IFT81: variants seen among roughly 807,000 people sequenced by gnomAD.
IFT81 encodes the protein intraflagellar transport 81, also known as intraflagellar transport protein 81 homolog.
In IFT81, 72 loss-of-function variants were observed where a neutral mutation model predicts 102.6. That is an observed-to-expected ratio of 0.70 (90% CI 0.58 to 0.85). IFT81 has a LOEUF of 0.85. Among genes scored for constraint, IFT81 ranks in the 40% least tolerant of loss-of-function variants. IFT81 has a pLI of 0.00. For synonymous variants in IFT81, 237 were observed against 242.7 expected (o/e 0.98, Z 0.22); for missense variants, 723 against 787.3 (o/e 0.92, Z 0.98).
chr12:110,143,673 C>A, intron 9 of IFT81, 128 bp downstream of exon 9: 1 of 647,198 alleles, frequency 1.5e-6, no homozygotes, highest in Non-Finnish European at 2.5e-6. Flanking sequence ...GAGTTGACAA[C>A]TCTTATGAGG....
At chr12:110,134,432 G>C (rs1302339317) in intron 5 of IFT81, among the ~76,000 whole-genome samples, 1 of 152,156 alleles carries the variant, frequency 6.6e-6, no homozygotes, top group Non-Finnish European at 1.5e-5. Context: ...CAGGAAGGAA[G>C]TTTATTTTTG....
rs140418924 is a variant in IFT81, at chr12:110,201,187, G to C, written c.1558-2677G>C. Among the ~76,000 whole-genome samples the C allele has an allele frequency of 6.3e-3, 952 of 152,138 alleles. 10 individuals carry two copies. Among genetic ancestry groups the C allele is most frequent in the African/African-American group, 0.021 (889 of 41,518 alleles). ...GGAGGCCAAGGCGAGCAGATCACCTGAAGTCAGGAGTTCAAGACCATCCTG... is the reference window on the plus strand; with the variant it reads ...GGAGGCCAAGGCGAGCAGATCACCTCAAGTCAGGAGTTCAAGACCATCCTG... On this transcript the variant is annotated intron_variant, in intron 14 of 18. Coordinates refer to ENST00000242591, the MANE Select transcript of IFT81 (RefSeq NM_014055.4).
At chr12:110,172,911 C>T (rs1258881756) in intron 11 of IFT81, among the ~76,000 whole-genome samples, 5 of 150,686 alleles carry the variant, frequency 3.3e-5, no homozygotes, top group East Asian at 2.0e-4. Context: ...GGAGCGTCTC[C>T]GCCCGGCAGC....
chr12:110,138,927 CAT>C (rs1272151403), intron 8 of IFT81, among the ~76,000 whole-genome samples: 4 of 152,112 alleles, frequency 2.6e-5, no homozygotes, highest in Non-Finnish European at 5.9e-5. Flanking sequence ...TTCATAGAAA[CAT>C]ATGACTATTT....
At chr12:110,194,197 T>C (rs1446416429) in intron 14 of IFT81, among the ~76,000 whole-genome samples, 2 of 152,096 alleles carry the variant, frequency 1.3e-5, no homozygotes, top group Non-Finnish European at 2.9e-5. Context: ...ACCTCCAACA[T>C]TGGAGGTAAC....
chr12:110,128,718 G>A lies in IFT81; in HGVS notation c.249-232G>A, dbSNP rs1275497770. Among the ~76,000 whole-genome samples the A allele has an allele frequency of 2.0e-5, 3 of 147,076 alleles. No homozygotes were observed. The East Asian group carries it at 5.9e-4, about 29-fold the overall frequency. On this transcript the variant is annotated intron_variant, in intron 3 of 18. Transcript: ENST00000242591. ...AGGCTAAGGTGGGAGGTTCACCTGA[G>A]CCAGGAGGTTAAGGCTTTGGTGAGC...
At chr12:110,144,007 C>CT (rs536525073) in intron 9 of IFT81, among the ~76,000 whole-genome samples, 2,173 of 123,076 alleles carry the variant, frequency 0.018, 69 homozygotes, top group Admixed American at 0.058. Context: ...CAGGTTATAC[C>CT]TTTTTTTTTT....
chr12:110,143,363 A>G lies in IFT81; in HGVS notation c.782-19A>G, dbSNP rs763261209. 1 of 1,231,208 alleles carries G rather than the reference A, an allele frequency of 8.1e-7. No individual in the cohort carries two copies. The highest frequency in any genetic ancestry group is 1.8e-5 in the South Asian group (1 of 55,620). The allele number at this position is 1,231,208 out of a possible 1,614,324, so 76.3% of individuals were successfully genotyped here. ...ACCTACTCTTTTGGGCTGAATATTT[A>G]TTTATTTTATTTTTAAAGGTTTAAT... On this transcript the variant is annotated intron_variant, in intron 8 of 18. Transcript: ENST00000242591.
chr12:110,191,037 A>G lies in IFT81; in HGVS notation c.1456A>G (p.Met486Val). Residue 486 changes from methionine to valine, a missense_variant, in exon 13 of 19, where the codon ATG becomes GTG. Met to Val is a conservative substitution (Grantham distance 21, BLOSUM62 1). Coordinates refer to ENST00000242591, the MANE Select transcript of IFT81 (RefSeq NM_014055.4). Reference sequence around the variant, plus strand: ...AATGAAAGGACGAACATTGGATGATATGTCTGAAATGGTGATGATACTTTT... The same window carrying G: ...AATGAAAGGACGAACATTGGATGATGTGTCTGAAATGGTGATGATACTTTT... The part of the protein sequence containing the change: ...DEMKGRTLDD[M>V]SEMVKKLYSL... The G allele has an allele frequency of 2.5e-6, 4 of 1,603,302 alleles. No individual in the cohort carries two copies. The highest frequency in any genetic ancestry group is 2.3e-5 in the South Asian group (2 of 88,276).
chr12:110,200,360 G>C (rs1232900395), intron 14 of IFT81, among the ~76,000 whole-genome samples: 1 of 152,114 alleles, frequency 6.6e-6, no homozygotes, highest in Non-Finnish European at 1.5e-5. Context: ...AATACTGTAG[G>C]CAGTTGTTAC....
At chr12:110,210,965 C>G (rs1169057147) in intron 18 of IFT81, among the ~76,000 whole-genome samples, 1 of 150,096 alleles carries the variant, frequency 6.7e-6, no homozygotes, top group African/African-American at 2.4e-5. Context: ...AAGCGATCCT[C>G]CCACCTCAGC....
chr12:110,127,549 A>G (rs201592976), intron 2 of IFT81, 25 bp downstream of exon 2: 2 of 1,568,460 alleles, frequency 1.3e-6, no homozygotes, highest in Non-Finnish European at 1.7e-6. Context: ...TTTCTTTTTG[A>G]TGGGTAGCAG....
chr12:110,193,338 T>C (rs1284951361), intron 14 of IFT81, among the ~76,000 whole-genome samples: 1 of 152,198 alleles, frequency 6.6e-6, no homozygotes, highest in African/African-American at 2.4e-5. Context: ...GCTATAAATA[T>C]GAAGTCACAT....
At chr12:110,191,768 G>A (rs529860323) in intron 13 of IFT81, among the ~76,000 whole-genome samples, 12 of 151,844 alleles carry the variant, frequency 7.9e-5, no homozygotes, top group South Asian at 2.1e-4. Flanking sequence ...GTAAATAGCC[G>A]CCCCAAACCC....
At chr12:110,201,292 C>G (rs1451236712) in intron 14 of IFT81, among the ~76,000 whole-genome samples, 4 of 151,276 alleles carry the variant, frequency 2.6e-5, no homozygotes, top group Non-Finnish European at 5.9e-5. Flanking sequence ...GTCCCAGCTA[C>G]TTGGGAAGCT....
intron 9 of IFT81, among the ~76,000 whole-genome samples, chr12:110,143,926 A>G (rs7300001): frequency 0.054 from 8,149 of 152,004 alleles, 292 homozygotes; most frequent in Middle Eastern, 0.082. Flanking sequence ...ATTTAAAGCT[A>G]ATATTTTTAT....
At chr12:110,138,376 T>G (rs964373011) in intron 8 of IFT81, among the ~76,000 whole-genome samples, 4 of 152,062 alleles carry the variant, frequency 2.6e-5, no homozygotes, top group African/African-American at 9.7e-5. Flanking sequence ...TATGACAGTA[T>G]AATTTGTCTT....
At position 110,132,550 on chromosome 12, in the gene IFT81, G is replaced by T; in HGVS notation, c.433G>T (p.Glu145Ter). 7.1e-7 allele frequency: 1 copy of T among 1,401,208 alleles called. No individual in the cohort carries two copies. The highest frequency in any genetic ancestry group is 1.2e-5 in the South Asian group (1 of 80,854). 86.8% of individuals were successfully genotyped at this position (1,401,208 alleles called of 1,614,324 possible). Residue 145 changes from glutamate (E) to a stop codon, truncating the protein, a stop_gained, in exon 5 of 19, where the codon GAA becomes TAA. Coordinates refer to ENST00000242591, the MANE Select transcript of IFT81 (RefSeq NM_014055.4). LOFTEE classifies it high-confidence loss of function. ...ETVADTNKQY[E>*]ELMEAFKTLH... ...ATTTCTTAACTTATTCTTCTAGTATGAAGAGTTAATGGAAGCCTTTAAAAC... is the reference window on the plus strand; with the variant it reads ...ATTTCTTAACTTATTCTTCTAGTATTAAGAGTTAATGGAAGCCTTTAAAAC...
intron 9 of IFT81, among the ~76,000 whole-genome samples, chr12:110,146,336 G>T (rs1448715866): frequency 6.6e-6 from 1 of 152,198 alleles, no homozygotes; most frequent in East Asian, 1.9e-4. Context: ...AGCACAGGAA[G>T]GGTGTTATCC....
Sources: allele counts gnomAD v4.1 joint callset (sites outside exome capture counted in the v4.1 genomes callset), GRCh38; gene constraint gnomAD v4.1.1; transcripts MANE v1.5; gene names NCBI Gene and HGNC (gene_info 2026-07-23, HGNC 2026-07-21).